The following PRKN variants were observed in gnomAD, a reference collection of about 807,000 sequenced individuals.
The protein encoded by PRKN is parkin RBR E3 ubiquitin protein ligase, also known as E3 ubiquitin-protein ligase parkin.
In PRKN, 56 loss-of-function variants were observed where a neutral mutation model predicts 59.5. The ratio of observed to expected loss-of-function variants is 0.94; its 90% CI spans 0.76 to 1.18. PRKN has a LOEUF of 1.18. Ranked by LOEUF, PRKN falls within the 50% of genes most tolerant of loss-of-function variation. PRKN has a pLI of 0.00. For synonymous variants in PRKN, 250 were observed against 222.1 expected (o/e 1.13, Z -1.12); for missense variants, 657 against 596.4 (o/e 1.10, Z -1.06).
chr6:161,735,039 A>G (rs1787906394), intron 7 of PRKN, among the ~76,000 whole-genome samples: 1 of 150,162 alleles, frequency 6.7e-6, no homozygotes, highest in South Asian at 2.1e-4. Flanking sequence ...AAAAAAGCAC[A>G]TGCCCCCTCC....
Position 162,519,038 on chromosome 6 carries a change from C to T in PRKN, c.8-75565G>A, listed in dbSNP as rs549182311. Among the ~76,000 whole-genome samples the T allele has an allele frequency of 4.6e-5, 7 of 152,090 alleles. No homozygotes were observed. In the South Asian group the frequency reaches 1.0e-3, roughly 23 times the overall value. On this transcript the variant is annotated intron_variant, in intron 1 of 11. Transcript: ENST00000366898. ...TATAAAAATTAACCAGGTGTGGTGA[C>T]GCATGCCTGTAGTCCCAGCTACTTG...
rs57908717 is a variant in PRKN, at chr6:161,550,738, C to CGTGTGTGTGTGTGTGTGTGTGTGTGT, written c.934-1736_934-1735insACACACACACACACACACACACACAC. On this transcript the variant is annotated intron_variant, in intron 8 of 11. Transcript: ENST00000366898. This position sits in a 1 kb window ranked among gnomAD's most constrained non-coding sequence, Gnocchi z 4.0. ...AAGAAAGGGTATGTGTGTGTGTGCA[C>CGTGTGTGTGTGTGTGTGTGTGTGTGT]GTGTGTGTGTGTGTGTGTGTGTGTA... is the stretch of plus-strand genomic sequence containing the variant. Among the ~76,000 whole-genome samples the CGTGTGTGTGTGTGTGTGTGTGTGTGT allele has an allele frequency of 6.8e-6, 1 of 146,192 alleles. No individual in the cohort carries two copies. Among genetic ancestry groups the CGTGTGTGTGTGTGTGTGTGTGTGTGT allele is most frequent in the Non-Finnish European group, 1.5e-5 (1 of 66,762 alleles).
intron 1 of PRKN, among the ~76,000 whole-genome samples, chr6:162,668,284 T>A (rs943179524): frequency 6.6e-6 from 1 of 152,180 alleles, no homozygotes; most frequent in Non-Finnish European, 1.5e-5. Context: ...TTTTAAAAGA[T>A]AAGCAGAGAG....
intron 9 of PRKN, among the ~76,000 whole-genome samples, chr6:161,476,388 T>TC (rs1332779216): frequency 6.6e-6 from 1 of 152,020 alleles, no homozygotes; most frequent in Non-Finnish European, 1.5e-5. Context: ...TTTAGTAACT[T>TC]CCCCCCGAAG....
In PRKN at chr6:161,410,057, A is replaced by T. The variant is rs990517841; in HGVS notation, c.1084-23180T>A. The stretch of plus-strand genomic sequence containing the variant: ...TACCTGTGCTAGGATGCAAAAGATC[A>T]TAGGTGTAGGCTCTGGGCAGCCCGT... On this transcript the variant is annotated intron_variant, in intron 9 of 11. Transcript: ENST00000366898. This position sits in a 1 kb window ranked among gnomAD's most constrained non-coding sequence, Gnocchi z 5.3. Among the ~76,000 whole-genome samples, 7 of 152,156 alleles carry T rather than the reference A, an allele frequency of 4.6e-5. No homozygotes were observed. The highest frequency in any genetic ancestry group is 1.7e-4 in the African/African-American group (7 of 41,412).
At chr6:162,112,897 T>C (rs1780503214) in intron 4 of PRKN, among the ~76,000 whole-genome samples, 1 of 152,094 alleles carries the variant, frequency 6.6e-6, no homozygotes, top group South Asian at 2.1e-4. Flanking sequence ...CACTCCACCC[T>C]GCACAACAGA....
intron 7 of PRKN, among the ~76,000 whole-genome samples, chr6:161,687,680 C>T (rs1262394768): frequency 6.6e-6 from 1 of 151,756 alleles, no homozygotes; most frequent in Non-Finnish European, 1.5e-5. Context: ...TGGTCTCGAA[C>T]TGCTAGACCT....
At position 161,554,213 on chromosome 6, in the gene PRKN, T is replaced by G. The variant is rs1253688601; in HGVS notation, c.934-5210A>C. 6.6e-6 allele frequency among the ~76,000 whole-genome samples: 1 copy of G among 152,208 alleles called. No homozygotes were observed. Among genetic ancestry groups the G allele is most frequent in the African/African-American group, 2.4e-5 (1 of 41,440 alleles). ...ATTGCTCATTTGCTTTTTCTCACAT[T>G]ACACAATTTCAGAATAACAATACCA... On this transcript the variant is annotated intron_variant, in intron 8 of 11. Coordinates refer to ENST00000366898, the MANE Select transcript of PRKN (RefSeq NM_004562.3). This position sits in a 1 kb window ranked among gnomAD's most constrained non-coding sequence, Gnocchi z 4.5.
intron 6 of PRKN, among the ~76,000 whole-genome samples, chr6:161,824,975 T>C (rs573696301): frequency 1.4e-4 from 21 of 152,204 alleles, no homozygotes; most frequent in Non-Finnish European, 2.9e-4. Context: ...CCAGAAATAA[T>C]GGAAAATTAT....
intron 1 of PRKN, among the ~76,000 whole-genome samples, chr6:162,511,799 T>C (rs1426150684): frequency 5.9e-5 from 9 of 152,228 alleles, no homozygotes; most frequent in African/African-American, 1.4e-4. Flanking sequence ...CAGCTTTGTA[T>C]AGAAAAAAGG....
chr6:162,655,136 T>A (rs975196730), intron 1 of PRKN, among the ~76,000 whole-genome samples: 1 of 152,136 alleles, frequency 6.6e-6, no homozygotes, highest in Admixed American at 6.5e-5. Flanking sequence ...TAATTTATTA[T>A]TACAATATAT....
At chr6:162,309,235 G>A (rs1782364852) in intron 2 of PRKN, among the ~76,000 whole-genome samples, 1 of 152,106 alleles carries the variant, frequency 6.6e-6, no homozygotes, top group Admixed American at 6.6e-5. Context: ...ATCTCAGCTG[G>A]CTCACTGCAA....
At chr6:162,617,351 C>T (rs1782468131) in intron 1 of PRKN, among the ~76,000 whole-genome samples, 2 of 152,158 alleles carry the variant, frequency 1.3e-5, no homozygotes, top group South Asian at 4.1e-4. Context: ...CCCACCTCAG[C>T]CGCCCAAGTA....
chr6:162,225,896 A>ATT (rs36114153), intron 3 of PRKN, among the ~76,000 whole-genome samples: 1 of 148,828 alleles, frequency 6.7e-6, no homozygotes, highest in Non-Finnish European at 1.5e-5. Flanking sequence ...GTATATATAT[A>ATT]TATATATATA....
intron 2 of PRKN, 59 bp downstream of exon 2, chr6:162,443,251 A>AGGCGGCATGAGCAATGGAGCT: frequency 6.4e-7 from 1 of 1,561,766 alleles, no homozygotes; most frequent in South Asian, 1.1e-5. Context: ...TTGGCAGCGC[A>AGGCGGCATGAGCAATGGAGCT]GGCGGCATGA....
chr6:161,651,345 T>G (rs563938298), intron 7 of PRKN, among the ~76,000 whole-genome samples: 31 of 152,316 alleles, frequency 2.0e-4, no homozygotes, highest in African/African-American at 7.5e-4. Flanking sequence ...TCTTTAAGTC[T>G]CTAATATGGT....
At chr6:162,447,106 T>A (rs1790352156) in intron 1 of PRKN, among the ~76,000 whole-genome samples, 1 of 152,184 alleles carries the variant, frequency 6.6e-6, no homozygotes, top group Non-Finnish European at 1.5e-5. Context: ...TTAGAAAATC[T>A]CAGAAAGAGA....
At position 162,485,399 on chromosome 6, in the gene PRKN, C is replaced by T. The variant is rs536295209; in HGVS notation, c.8-41926G>A. Reference sequence around the variant, plus strand: ...GAAAACACCAAAGTAGTATGAGAGACACTGCTATTTTTTAAATGCTACTCA... The same window carrying T: ...GAAAACACCAAAGTAGTATGAGAGATACTGCTATTTTTTAAATGCTACTCA... On this transcript the variant is annotated intron_variant, in intron 1 of 11. Transcript: ENST00000366898. Among the ~76,000 whole-genome samples the T allele has an allele frequency of 7.9e-5, 12 of 152,286 alleles. No individual in the cohort carries two copies. The East Asian group carries it at 2.3e-3, about 29-fold the overall frequency.
intron 5 of PRKN, among the ~76,000 whole-genome samples, chr6:162,051,404 T>C (rs1777638653): frequency 6.6e-6 from 1 of 152,186 alleles, no homozygotes. Flanking sequence ...ACGGGCCTCA[T>C]GAGCAAAGCC....
Sources: allele counts gnomAD v4.1 joint callset (sites outside exome capture counted in the v4.1 genomes callset), GRCh38; gene constraint gnomAD v4.1.1; non-coding constraint Gnocchi (gnomAD v3.1); transcripts MANE v1.5; gene names NCBI Gene and HGNC (gene_info 2026-07-23, HGNC 2026-07-21).